The following SMIM14 variants were observed in gnomAD, a reference collection of about 807,000 sequenced individuals.
SMIM14 encodes small integral membrane protein 14, also known as chromosome 4 open reading frame 34.
A neutral mutation model predicts 12.6 loss-of-function variants in SMIM14; 5 were observed. That is an observed-to-expected ratio of 0.40 (90% CI 0.21 to 0.83). SMIM14 has a LOEUF of 0.83. SMIM14 is among the 40% of genes least tolerant of loss of function. The pLI, the probability that SMIM14 is intolerant of heterozygous loss-of-function variation, is 0.37. For missense variants in SMIM14, 86 were observed against 119.1 expected, an observed-to-expected ratio of 0.72 and a Z score of 1.29; for synonymous variants, 30 against 40.1, an observed-to-expected ratio of 0.75 and a Z score of 0.95.
In SMIM14 at chr4:39,568,141, T is replaced by C. The variant is rs1712675975; in HGVS notation, c.124+4274A>G. On this transcript the variant is annotated intron_variant, in intron 3 of 4. Transcript: ENST00000295958. ...AAAAATACAAAAAATTAGCCAGGTG[T>C]GGTAGTGCATTCCTGTAATCCTGGC... 7.2e-5 allele frequency among the ~76,000 whole-genome samples: 11 copies of C among 152,034 alleles called. No individual in the cohort carries two copies. The South Asian group carries it at 2.3e-3, about 32-fold the overall frequency.
chr4:39,583,245 C>G (rs916925988), intron 2 of SMIM14, among the ~76,000 whole-genome samples: 4 of 152,010 alleles, frequency 2.6e-5, no homozygotes, highest in Admixed American at 6.6e-5. Flanking sequence ...CATGCCACCA[C>G]ACTGGGCTAA....
At chr4:39,583,462 T>C (rs1376329090) in intron 2 of SMIM14, among the ~76,000 whole-genome samples, 1 of 151,884 alleles carries the variant, frequency 6.6e-6, no homozygotes, top group East Asian at 1.9e-4. Context: ...CAAATTGGGG[T>C]TTGGAAACAT....
At chr4:39,589,871 T>C (rs903897038) in intron 2 of SMIM14, among the ~76,000 whole-genome samples, 1 of 151,526 alleles carries the variant, frequency 6.6e-6, no homozygotes, top group Non-Finnish European at 1.5e-5. Flanking sequence ...TGAAACCGTC[T>C]CTACTAAAAA....
chr4:39,617,657 T>C (rs145380461), intron 1 of SMIM14, among the ~76,000 whole-genome samples: 24 of 152,338 alleles, frequency 1.6e-4, no homozygotes, highest in African/African-American at 5.8e-4. Flanking sequence ...GGCCCTATCA[T>C]GGATACTTCT....
At chr4:39,592,825 C>A (rs1206442530) in intron 2 of SMIM14, 1 of 152,194 alleles carries the variant, frequency 6.6e-6, no homozygotes, top group Non-Finnish European at 1.5e-5. Context: ...AATTCCTCGA[C>A]ACATACACCC....
At position 39,590,022 on chromosome 4, in the gene SMIM14, CAAAAAAAAAAA is replaced by C. The variant is rs34159677; in HGVS notation, c.75+15038_75+15048del. 1.1e-4 allele frequency among the ~76,000 whole-genome samples: 8 copies of C among 71,334 alleles called. No individual in the cohort carries two copies. In the East Asian group the frequency reaches 2.8e-3, roughly 25 times the overall value. 46.8% of individuals were successfully genotyped at this position (71,334 alleles called of 152,430 possible). On this transcript the variant is annotated intron_variant, in intron 2 of 4. Coordinates refer to ENST00000295958, the MANE Select transcript of SMIM14 (RefSeq NM_174921.3). ...TGGGCAACACAGCAAGACTCTGTTTCAAAAAAAAAAAAAAAAAAAAAAAGAATACTAAAGTA... is the reference window on the plus strand; with the variant it reads ...TGGGCAACACAGCAAGACTCTGTTTCAAAAAAAAAAAAGAATACTAAAGTA...
rs1280374492 is a variant in SMIM14 at position 39,549,032 on chromosome 4, T to TA, written c.*3093dup. 1.3e-5 allele frequency: 2 copies of TA among 152,042 alleles called. No individual in the cohort carries two copies. Among genetic ancestry groups the TA allele is most frequent in the East Asian group, 3.9e-4 (2 of 5,146 alleles). The allele number at this position is 152,042 out of a possible 1,614,324, so 9.4% of individuals were successfully genotyped here. A position where few individuals can be genotyped will look rare whatever the true frequency, so the allele number is the denominator to read the frequency against. ...CTACATGGCGAAACCCCATCTCTAC[T>TA]AAAGATACAAAAATTAGCTGGGCGT... On this transcript the variant is annotated 3_prime_UTR_variant, in exon 5 of 5. Transcript: ENST00000295958.
Position 39,547,083 on chromosome 4 carries a change from A to G in SMIM14, c.*5043T>C, listed in dbSNP as rs1385691846. 1.3e-5 allele frequency: 2 copies of G among 152,204 alleles called. No homozygotes were observed. Among genetic ancestry groups the G allele is most frequent in the Non-Finnish European group, 2.9e-5 (2 of 68,024 alleles). 9.4% of individuals were successfully genotyped at this position (152,204 alleles called of 1,614,324 possible). A position where few individuals can be genotyped will look rare whatever the true frequency, so the allele number is the denominator to read the frequency against. On this transcript the variant is annotated 3_prime_UTR_variant, in exon 5 of 5. Coordinates refer to ENST00000295958, the MANE Select transcript of SMIM14 (RefSeq NM_174921.3). ...AACCAAAGAAATGTGACTGCAATCT[A>G]ATTTCCAAGAGAGAAACTCTACTTC...
intron 2 of SMIM14, among the ~76,000 whole-genome samples, chr4:39,600,887 TAAAC>T (rs532531748): frequency 1.0e-3 from 155 of 151,464 alleles, no homozygotes; most frequent in African/African-American, 3.4e-3. Context: ...AATAAATAAA[TAAAC>T]AAACAAAGCA....
intron 2 of SMIM14, among the ~76,000 whole-genome samples, chr4:39,591,846 G>T (rs918418586): frequency 6.6e-6 from 1 of 152,100 alleles, no homozygotes; most frequent in Non-Finnish European, 1.5e-5. Context: ...GATTACAGGC[G>T]TAAGCCACCC....
chr4:39,579,102 GA>G (rs774742008), intron 2 of SMIM14, among the ~76,000 whole-genome samples: 1 of 151,462 alleles, frequency 6.6e-6, no homozygotes, highest in Non-Finnish European at 1.5e-5. Flanking sequence ...AGAGGCAGAA[GA>G]AAAAGAGATT....
intron 3 of SMIM14, among the ~76,000 whole-genome samples, chr4:39,562,462 T>C (rs1398712688): frequency 6.6e-6 from 1 of 152,100 alleles, no homozygotes; most frequent in Non-Finnish European, 1.5e-5. Context: ...GTAACTCAGT[T>C]TCCACTGCCT....
chr4:39,617,604 C>T (rs935161974), intron 1 of SMIM14, among the ~76,000 whole-genome samples: 8 of 152,164 alleles, frequency 5.3e-5, no homozygotes, highest in Admixed American at 3.3e-4. Flanking sequence ...ACAAAATTAA[C>T]CATATCCCAT....
intron 1 of SMIM14, among the ~76,000 whole-genome samples, chr4:39,608,417 A>T (rs1015974111): frequency 3.9e-5 from 6 of 152,266 alleles, no homozygotes; most frequent in Non-Finnish European, 4.4e-5. Context: ...TCAAGTGAAA[A>T]ATGGATAAAC....
chr4:39,558,943 C>A lies in SMIM14; in HGVS notation c.125-2373G>T, dbSNP rs907209883. On this transcript the variant is annotated intron_variant, in intron 3 of 4. Transcript: ENST00000295958. This position sits in a 1 kb window ranked among gnomAD's most constrained non-coding sequence, Gnocchi z 4.3. ...CAGGCTGGTCTCAAACTCCTGACCTCGTGATCTGCCTGCTTCGGCCTCCCA... is the reference window on the plus strand; with the variant it reads ...CAGGCTGGTCTCAAACTCCTGACCTAGTGATCTGCCTGCTTCGGCCTCCCA... Among the ~76,000 whole-genome samples, 21 of 152,034 alleles carry A rather than the reference C, an allele frequency of 1.4e-4. No individual in the cohort carries two copies. Among genetic ancestry groups the A allele is most frequent in the Non-Finnish European group, 2.8e-4 (19 of 67,996 alleles).
Position 39,638,855 on chromosome 4 carries a change from C to T in SMIM14, c.-152G>A. Reference sequence around the variant, plus strand: ...CTGCTCCGGACGCTGCTGCCACTGCCGTTTCTGGCCGCCGGCTTCCTCCCC... The same window carrying T: ...CTGCTCCGGACGCTGCTGCCACTGCTGTTTCTGGCCGCCGGCTTCCTCCCC... On this transcript the variant is annotated 5_prime_UTR_variant, in exon 1 of 5. Transcript: ENST00000295958. 1.0e-6 allele frequency: 1 copy of T among 985,772 alleles called. No individual in the cohort carries two copies. The highest frequency in any genetic ancestry group is 1.2e-6 in the Non-Finnish European group (1 of 830,228). 61.1% of individuals were successfully genotyped at this position (985,772 alleles called of 1,614,324 possible). A position where few individuals can be genotyped will look rare whatever the true frequency, so the allele number is the denominator to read the frequency against.
At chr4:39,637,315 G>A (rs1226775362) in intron 1 of SMIM14, among the ~76,000 whole-genome samples, 5 of 152,020 alleles carry the variant, frequency 3.3e-5, no homozygotes, top group Admixed American at 3.3e-4. Context: ...AGCTGAAAAA[G>A]AACTTCAAGA....
intron 1 of SMIM14, among the ~76,000 whole-genome samples, chr4:39,636,247 C>G (rs1716082551): frequency 6.6e-6 from 1 of 150,466 alleles, no homozygotes; most frequent in African/African-American, 2.4e-5. Flanking sequence ...TGCCTGGGGC[C>G]TGAACATCTG....
intron 2 of SMIM14, among the ~76,000 whole-genome samples, chr4:39,596,561 A>G (rs1714372926): frequency 6.6e-6 from 1 of 152,172 alleles, no homozygotes; most frequent in Non-Finnish European, 1.5e-5. Flanking sequence ...TTATCTGTAA[A>G]AAGAAATCCT....
Sources: gnomAD v4.1 joint callset for allele counts (sites outside exome capture counted in the v4.1 genomes callset) on GRCh38, gnomAD v4.1.1 for gene constraint, Gnocchi (gnomAD v3.1) non-coding constraint, MANE v1.5 for transcripts, NCBI Gene and HGNC (gene_info 2026-07-23, HGNC 2026-07-21) for gene names.